SCD5: variants seen among roughly 807,000 people sequenced by gnomAD.
SCD5 encodes the protein stearoyl-CoA desaturase 5.
A neutral mutation model predicts 30.4 loss-of-function variants in SCD5; 20 were observed. That is an observed-to-expected ratio of 0.66 (90% CI 0.46 to 0.96). SCD5 has a LOEUF of 0.96. SCD5 is among the 40% of genes least tolerant of loss of function. The pLI, the probability that SCD5 is intolerant of heterozygous loss-of-function variation, is 0.00. For missense variants in SCD5, 381 were observed against 443.3 expected (o/e 0.86, Z 1.26); for synonymous variants, 173 against 176.4 (o/e 0.98, Z 0.16).
At chr4:82,699,570 GTTTT>G (rs59887380) in intron 2 of SCD5, among the ~76,000 whole-genome samples, 3,871 of 141,152 alleles carry the variant, frequency 0.027, 213 homozygotes, top group African/African-American at 0.096. Flanking sequence ...TTTGTTTTTT[GTTTT>G]TTTTTTTTTT....
intron 2 of SCD5, among the ~76,000 whole-genome samples, chr4:82,694,892 TA>T (rs1719664331): frequency 1.3e-5 from 2 of 152,104 alleles, no homozygotes; most frequent in South Asian, 4.1e-4. Flanking sequence ...ACTGTAATCG[TA>T]AGTATAGGAC....
intron 2 of SCD5, among the ~76,000 whole-genome samples, chr4:82,691,341 A>C (rs1288741619): frequency 1.3e-5 from 2 of 152,060 alleles, no homozygotes; most frequent in Non-Finnish European, 2.9e-5. Flanking sequence ...GGCCATTCTT[A>C]ACTGGGTCAT....
At chr4:82,789,296 A>T (rs746393589) in intron 1 of SCD5, among the ~76,000 whole-genome samples, 4 of 152,232 alleles carry the variant, frequency 2.6e-5, no homozygotes, top group Non-Finnish European at 4.4e-5. Flanking sequence ...ATGTTCTAAA[A>T]TAAGCTACAA....
intron 1 of SCD5, among the ~76,000 whole-genome samples, chr4:82,764,452 G>A (rs1721444560): frequency 6.6e-6 from 1 of 151,976 alleles, no homozygotes; most frequent in Admixed American, 6.6e-5. Flanking sequence ...CATTTTTCAT[G>A]ATTCCATTTT....
intron 1 of SCD5, among the ~76,000 whole-genome samples, chr4:82,749,104 C>T (rs148140556): frequency 3.3e-5 from 5 of 152,302 alleles, no homozygotes; most frequent in African/African-American, 1.2e-4. Flanking sequence ...CTTCACAAGA[C>T]AGCAAAGTTC....
chr4:82,695,278 G>A (rs567336846), intron 2 of SCD5, among the ~76,000 whole-genome samples: 2 of 151,680 alleles, frequency 1.3e-5, no homozygotes, highest in South Asian at 4.2e-4. Context: ...TTTAGCTGGA[G>A]AGTCGTTTAA....
chr4:82,636,965 G>T, intron 3 of SCD5, 142 bp from the exon 4 acceptor site: 2 of 682,516 alleles, frequency 2.9e-6, no homozygotes, highest in Non-Finnish European at 4.9e-6. Context: ...ATATGTGGAA[G>T]CCTGTTGTGT....
intron 1 of SCD5, among the ~76,000 whole-genome samples, chr4:82,726,558 G>GCTGT: frequency 6.8e-6 from 1 of 146,552 alleles, no homozygotes; most frequent in East Asian, 2.0e-4. Context: ...GAAAGCAGCT[G>GCTGT]TTTTTTTTTT....
At chr4:82,666,429 TGGCGTGAACCCGGGA>T (rs1728190313) in intron 3 of SCD5, among the ~76,000 whole-genome samples, 1 of 151,616 alleles carries the variant, frequency 6.6e-6, no homozygotes. Flanking sequence ...GGCAGGAGAA[TGGCGTGAACCCGGGA>T]GGCGGAGCTT....
At chr4:82,679,789 T>C (rs955972760) in intron 3 of SCD5, among the ~76,000 whole-genome samples, 2 of 152,208 alleles carry the variant, frequency 1.3e-5, no homozygotes, top group African/African-American at 2.4e-5. Context: ...CTTCCTTTCA[T>C]GCAAAGATTC....
In SCD5 at chr4:82,680,820, G is replaced by A. The variant is rs1210554823; in HGVS notation, c.456C>T (p.Phe152=). Reference sequence around the variant, plus strand: ...CAAACAGCCACCCAATATGGGAGAAGAAGAAGCCCCGGCGGGCATTGTGGG... The same window carrying A: ...CAAACAGCCACCCAATATGGGAGAAAAAGAAGCCCCGGCGGGCATTGTGGG... ...ADPHNARRGF[F]FSHIGWLFVR... The change falls in exon 3 of 5, where the codon TTC becomes TTT. Residue 152 remains phenylalanine, a synonymous_variant. Coordinates refer to ENST00000319540, the MANE Select transcript of SCD5 (RefSeq NM_001037582.3). 6.2e-7 allele frequency: 1 copy of A among 1,613,930 alleles called. No individual in the cohort carries two copies.
intron 3 of SCD5, among the ~76,000 whole-genome samples, chr4:82,639,968 CTT>C (rs1030636817): frequency 6.6e-6 from 1 of 152,202 alleles, no homozygotes; most frequent in African/African-American, 2.4e-5. Flanking sequence ...GCCCTGGGCA[CTT>C]CTCTCTCTGA....
chr4:82,647,816 A>G (rs1727663286), intron 3 of SCD5, among the ~76,000 whole-genome samples: 1 of 152,254 alleles, frequency 6.6e-6, no homozygotes. Flanking sequence ...TACATGTTCA[A>G]TTACCCGGAC....
At chr4:82,654,385 T>C (rs889283035) in intron 3 of SCD5, among the ~76,000 whole-genome samples, 3 of 152,242 alleles carry the variant, frequency 2.0e-5, no homozygotes, top group Non-Finnish European at 4.4e-5. Flanking sequence ...TCTATTTCAC[T>C]GGGAATTCAT....
At chr4:82,711,522 T>C (rs1438179242) in intron 1 of SCD5, among the ~76,000 whole-genome samples, 1 of 152,124 alleles carries the variant, frequency 6.6e-6, no homozygotes, top group Non-Finnish European at 1.5e-5. Context: ...GAGACCAGCC[T>C]GGATGACAAG....
intron 3 of SCD5, among the ~76,000 whole-genome samples, chr4:82,647,810 T>C (rs561764870): frequency 2.0e-5 from 3 of 152,254 alleles, no homozygotes; most frequent in Non-Finnish European, 4.4e-5. Context: ...AAGATATACA[T>C]GTTCAATTAC....
intron 1 of SCD5, among the ~76,000 whole-genome samples, chr4:82,716,173 C>T (rs1215662782): frequency 2.6e-5 from 4 of 151,678 alleles, no homozygotes; most frequent in Non-Finnish European, 5.9e-5. Context: ...TCAAATAACA[C>T]AAAGCTTCTC....
intron 3 of SCD5, among the ~76,000 whole-genome samples, chr4:82,671,419 TC>T (rs1162291730): frequency 6.6e-6 from 1 of 152,158 alleles, no homozygotes; most frequent in Non-Finnish European, 1.5e-5. Context: ...GGCTACTTCA[TC>T]CAGCAATAGC....
At chr4:82,711,147 C>T (rs1468630996) in intron 1 of SCD5, among the ~76,000 whole-genome samples, 1 of 152,044 alleles carries the variant, frequency 6.6e-6, no homozygotes, top group African/African-American at 2.4e-5. Context: ...ATATTATTGC[C>T]CCATGCATGA....
Sources: allele counts gnomAD v4.1 joint callset (sites outside exome capture counted in the v4.1 genomes callset), GRCh38; gene constraint gnomAD v4.1.1; transcripts MANE v1.5; gene names NCBI Gene and HGNC (gene_info 2026-07-23, HGNC 2026-07-21).